Variants in FAT2 observed in about 807,000 individuals in gnomAD.
FAT2 encodes the protein protocadherin Fat 2.
In FAT2, 150 loss-of-function variants were observed where a neutral mutation model predicts 295.3. That is an observed-to-expected ratio of 0.51 (90% confidence interval 0.44 to 0.58). FAT2 has a LOEUF of 0.58. Among genes scored for constraint, FAT2 ranks in the 20% least tolerant of loss-of-function variants. The probability of loss-of-function intolerance (pLI) is 0.00; values close to 1 mark genes in which losing one functional copy is unlikely to be tolerated. For missense variants in FAT2, 4,868 were observed against 5,442.7 expected, an observed-to-expected ratio of 0.89 and a Z score of 3.32; for synonymous variants, 2,026 against 2,150.3, an observed-to-expected ratio of 0.94 and a Z score of 1.60.
At chr5:151,537,646 G>C in intron 12 of FAT2, 147 bp downstream of exon 12, 1 of 719,092 alleles carries the variant, frequency 1.4e-6, no homozygotes, top group South Asian at 2.5e-5. Context: ...TATGTCCCCA[G>C]TACAATGCTT....
At chr5:151,594,432 A>G (rs1476471335), upstream of FAT2, among the ~76,000 whole-genome samples, 3 of 152,232 alleles carry the variant, frequency 2.0e-5, no homozygotes, top group Non-Finnish European at 4.4e-5. Flanking sequence ...CAATTACATC[A>G]GACTTCCTGT....
Position 151,540,656 on chromosome 5 carries a change from C to T in FAT2, c.8950G>A (p.Val2984Ile), listed in dbSNP as rs2127602525. 1 of 1,614,230 alleles carries T rather than the reference C, an allele frequency of 6.2e-7. No individual in the cohort carries two copies. The highest frequency in any genetic ancestry group is 8.5e-7 in the Non-Finnish European group (1 of 1,180,042). The change falls in exon 11 of 24, where the codon GTC becomes ATC. Residue 2984 changes from valine (V) to isoleucine (I), a missense_variant. This residue lies in a region of FAT2 where 3,297 missense variants were observed against 3,669.4 expected (regional missense o/e 0.90). Transcript: ENST00000261800. Reference sequence around the variant, plus strand: ...TGGAACTTGCCATCAGATGCTGTGACTCTGAGCAAGTACTTGGCTGTATGC... The same window carrying T: ...TGGAACTTGCCATCAGATGCTGTGATTCTGAGCAAGTACTTGGCTGTATGC... ...REHTAKYLLR[V>I]TASDGKFQAS...
Position 151,512,387 on chromosome 5 carries a change from C to T in FAT2, c.11683G>A (p.Gly3895Ser), listed in dbSNP as rs773232141. Reference sequence around the variant, plus strand: ...GAGGAAGAATGCAACAGAATGAGGCCGCCCAGCAAGAGGTGCCTTTCGGGC... The same window carrying T: ...GAGGAAGAATGCAACAGAATGAGGCTGCCCAGCAAGAGGTGCCTTTCGGGC... ...LRPERHLLLG[G>S]LILLHSSSNV... The change falls in exon 21 of 24, where the codon GGC (glycine) becomes AGC (serine). Residue 3895 changes from glycine to serine, a missense_variant. Physicochemically the swap from Gly to Ser is moderately conservative, Grantham distance 56. Around this residue, in one of 5 missense-constraint regions of FAT2, gnomAD observed 1,046 missense variants for 1,210.1 expected, o/e 0.86. Coordinates refer to ENST00000261800, the MANE Select transcript of FAT2 (RefSeq NM_001447.3). This position sits in a 1 kb window ranked among gnomAD's most constrained non-coding sequence, Gnocchi z 4.1. 18 of 1,614,196 alleles carry T rather than the reference C, an allele frequency of 1.1e-5. No homozygotes were observed. The highest frequency in any genetic ancestry group is 1.7e-5 in the Admixed American group (1 of 60,024).
At chr5:151,535,486 G>A (rs1419066299) in intron 12 of FAT2, among the ~76,000 whole-genome samples, 2 of 152,100 alleles carry the variant, frequency 1.3e-5, no homozygotes, top group African/African-American at 4.8e-5. Flanking sequence ...CTGAACACAG[G>A]GCGGTTCCTG....
rs761057720 is a variant in FAT2 at position 151,507,596 on chromosome 5, C to T, written c.12075G>A (p.Ala4025=). 1.7e-5 allele frequency: 28 copies of T among 1,600,684 alleles called. No homozygotes were observed. Among genetic ancestry groups the T allele is most frequent in the Admixed American group, 5.1e-5 (3 of 58,342 alleles). ...PYTGDRCEME[A]RGCSEGHCLV... ...GGCAGTGTCCTTCTGAACAACCCCT[C>T]GCCTCCATTTCACACCTGCGGAGAC... is the stretch of plus-strand genomic sequence containing the variant. Residue 4025 remains alanine (A), a synonymous_variant, in exon 23 of 24, where the codon GCG becomes GCA. Transcript: ENST00000261800.
intron 19 of FAT2, among the ~76,000 whole-genome samples, chr5:151,520,121 C>G (rs762528877): frequency 3.0e-4 from 45 of 152,336 alleles, no homozygotes; most frequent in Admixed American, 2.0e-3. Context: ...CGAGTGGTCC[C>G]TGGACAAAGT....
Position 151,531,627 on chromosome 5 carries a change from G to A in FAT2, c.9771C>T (p.Ser3257=), listed in dbSNP as rs751790803. ...GAEKTGYRVV[S]GNEQGRFRLD... ...GGCGGAACCTGCCTTGCTCGTTCCC[G>A]CTGACCACGCGGTAGCCGGTCTTCT... Residue 3257 remains serine, a synonymous_variant, in exon 14 of 24, where the codon AGC becomes AGT. Coordinates refer to ENST00000261800, the MANE Select transcript of FAT2 (RefSeq NM_001447.3). The surrounding 1 kb of genome is among the most constrained non-coding windows in gnomAD (Gnocchi z 5.7). 1.2e-6 allele frequency: 2 copies of A among 1,613,302 alleles called. No homozygotes were observed. The highest frequency in any genetic ancestry group is 1.7e-6 in the Non-Finnish European group (2 of 1,179,946).
At chr5:151,556,634 G>GT (rs1757714178) in intron 3 of FAT2, among the ~76,000 whole-genome samples, 1 of 152,110 alleles carries the variant, frequency 6.6e-6, no homozygotes, top group Non-Finnish European at 1.5e-5. Flanking sequence ...CATACATTCT[G>GT]TTTTTTACTT....
intron 22 of FAT2, 41 bp downstream of exon 22, chr5:151,509,980 C>T: frequency 3.1e-6 from 5 of 1,603,472 alleles, no homozygotes; most frequent in Non-Finnish European, 3.4e-6. Flanking sequence ...AGCGCATTCC[C>T]TAACAAGGAG....
chr5:151,547,103 T>G (rs935514901), intron 9 of FAT2, among the ~76,000 whole-genome samples: 4 of 152,224 alleles, frequency 2.6e-5, no homozygotes, highest in African/African-American at 9.7e-5. Flanking sequence ...TAAATATTTT[T>G]AAAGGTAACA....
At chr5:151,564,811 G>A (rs184817200) in intron 2 of FAT2, among the ~76,000 whole-genome samples, 15 of 152,218 alleles carry the variant, frequency 9.9e-5, no homozygotes, top group African/African-American at 3.4e-4. Context: ...GGTGGCTCAT[G>A]CCTGTAGTCC....
intron 19 of FAT2, among the ~76,000 whole-genome samples, chr5:151,518,941 G>A (rs548091045): frequency 5.9e-5 from 9 of 152,278 alleles, no homozygotes; most frequent in South Asian, 4.1e-4. Flanking sequence ...GAGGATGAGC[G>A]GTCCAGCCTC....
intron 1 of FAT2, among the ~76,000 whole-genome samples, chr5:151,579,515 T>A (rs1758864225): frequency 6.6e-6 from 1 of 152,132 alleles, no homozygotes; most frequent in African/African-American, 2.4e-5. Flanking sequence ...GAGGCTGCAG[T>A]GAACAATGAT....
chr5:151,537,378 C>T lies in FAT2; in HGVS notation c.9193+415G>A, dbSNP rs150052789. ...AAGAAGGAAGGAAGGAAAGAAACAA[C>T]GAACAACGAAAGGAAAGGAAAGGGA... On this transcript the variant is annotated intron_variant, in intron 12 of 23. Coordinates refer to ENST00000261800, the MANE Select transcript of FAT2 (RefSeq NM_001447.3). Among the ~76,000 whole-genome samples the T allele has an allele frequency of 2.8e-4, 32 of 114,458 alleles. No homozygotes were observed. In the East Asian group the frequency reaches 6.3e-3, roughly 22 times the overall value. The allele number at this position is 114,458 out of a possible 152,430, so 75.1% of individuals were successfully genotyped here. A position where few individuals can be genotyped will look rare whatever the true frequency, so the allele number is the denominator to read the frequency against.
intron 1 of FAT2, among the ~76,000 whole-genome samples, chr5:151,590,670 T>C (rs1043675546): frequency 6.6e-6 from 1 of 152,160 alleles, no homozygotes; most frequent in Admixed American, 6.5e-5. Flanking sequence ...TGACTCTCCC[T>C]TAGCCGCCAG....
chr5:151,515,383 T>C (rs1365170101), intron 20 of FAT2, among the ~76,000 whole-genome samples: 1 of 152,188 alleles, frequency 6.6e-6, no homozygotes, highest in African/African-American at 2.4e-5. Flanking sequence ...TCCCATCTCA[T>C]GGCTTTCAGT....
Position 151,567,782 on chromosome 5 carries a change from C to T in FAT2, c.1150G>A (p.Val384Met), listed in dbSNP as rs140775774. 107 of 1,614,016 alleles carry T rather than the reference C, an allele frequency of 6.6e-5. No homozygotes were observed. Among genetic ancestry groups the T allele is most frequent in the African/African-American group, 4.5e-4 (34 of 74,882 alleles). ...FSPPGSRVVM[V>M]RVTPAFPNLQ... is the part of the protein sequence containing the mutation. ...TTGGGGAAGGCTGGGGTGACTCTCA[C>T]CATCACCACGCGGCTGCCAGGAGGG... The change falls in exon 2 of 24, where the codon GTG becomes ATG. Residue 384 changes from valine (V) to methionine (M), a missense_variant. Around this residue, in one of 5 missense-constraint regions of FAT2, gnomAD observed 3,297 missense variants for 3,669.4 expected, o/e 0.90. Coordinates refer to ENST00000261800, the MANE Select transcript of FAT2 (RefSeq NM_001447.3).
intron 3 of FAT2, among the ~76,000 whole-genome samples, chr5:151,561,437 C>T (rs910495864): frequency 6.6e-6 from 1 of 152,134 alleles, no homozygotes; most frequent in Non-Finnish European, 1.5e-5. Context: ...GTCACCCAGG[C>T]TGGAGACCAG....
In FAT2 at chr5:151,507,227, G is replaced by A. The variant is rs370437664; in HGVS notation, c.12444C>T (p.Leu4148=). Residue 4148 remains leucine, a synonymous_variant, in exon 23 of 24, where the codon CTC becomes CTT. Coordinates refer to ENST00000261800, the MANE Select transcript of FAT2 (RefSeq NM_001447.3). ...AGTGGGAAGGGACCGCAGCTGGCGG[G>A]AGTCTGGGGGGCACACTGCAGACCA... The part of the protein sequence containing the change: ...RPVVCSVPPR[L]PPAAVPSHSD... 1.4e-4 allele frequency: 223 copies of A among 1,613,538 alleles called. No homozygotes were observed. Among genetic ancestry groups the A allele is most frequent in the Non-Finnish European group, 1.8e-4 (213 of 1,179,610 alleles).
Sources: allele counts gnomAD v4.1 joint callset (sites outside exome capture counted in the v4.1 genomes callset), GRCh38; gene constraint gnomAD v4.1.1; regional missense constraint gnomAD v4.1.1; non-coding constraint Gnocchi (gnomAD v3.1); transcripts MANE v1.5; gene names NCBI Gene and HGNC (gene_info 2026-07-23, HGNC 2026-07-21).